PARD3B: variants seen among roughly 807,000 people sequenced by gnomAD.
PARD3B encodes the protein par-3 family cell polarity regulator beta.
Under a neutral mutation model 130.2 loss-of-function variants are expected in PARD3B, and 103 were observed. That is an observed-to-expected ratio of 0.79 (90% CI 0.67 to 0.93). The LOEUF (loss-of-function observed/expected upper bound fraction) is 0.93. PARD3B is among the 40% of genes least tolerant of loss of function. PARD3B has a pLI of 0.00. For synonymous variants in PARD3B, 583 were observed against 553.2 expected (o/e 1.05, Z -0.76); for missense variants, 1,609 against 1,499.2 (o/e 1.07, Z -1.21).
chr2:205,062,267 G>A (rs1395029996), intron 4 of PARD3B, among the ~76,000 whole-genome samples: 1 of 152,088 alleles, frequency 6.6e-6, no homozygotes, highest in Non-Finnish European at 1.5e-5. Context: ...AGGTCGTAAT[G>A]AAAGTATGTT....
intron 3 of PARD3B, among the ~76,000 whole-genome samples, chr2:204,974,060 G>A (rs1482728519): frequency 2.0e-5 from 3 of 152,158 alleles, no homozygotes; most frequent in South Asian, 2.1e-4. Context: ...GGCTTAATGG[G>A]AAAATGTTGA....
intron 2 of PARD3B, among the ~76,000 whole-genome samples, chr2:204,696,067 T>A (rs2037593955): frequency 6.6e-6 from 1 of 151,982 alleles, no homozygotes; most frequent in Non-Finnish European, 1.5e-5. Context: ...GGTTATCAGG[T>A]ATCATGTTTG....
intron 2 of PARD3B, among the ~76,000 whole-genome samples, chr2:204,925,499 T>C (rs1483086863): frequency 6.6e-6 from 1 of 151,840 alleles, no homozygotes; most frequent in African/African-American, 2.4e-5. Flanking sequence ...AGGAAATATA[T>C]TGGAAAAAAA....
chr2:205,266,203 C>A (rs972600669), intron 16 of PARD3B, among the ~76,000 whole-genome samples: 1 of 152,050 alleles, frequency 6.6e-6, no homozygotes, highest in African/African-American at 2.4e-5. Flanking sequence ...AATGCAGTTA[C>A]CTCTAGAATA....
In PARD3B at chr2:204,659,784, T is replaced by C. The variant is rs985876598; in HGVS notation, c.121-26397T>C. 9.2e-5 allele frequency among the ~76,000 whole-genome samples: 14 copies of C among 152,328 alleles called. No individual in the cohort carries two copies. In the East Asian group the frequency reaches 1.7e-3, roughly 19 times the overall value. Reference sequence around the variant, plus strand: ...TCATCATCTTAAGTACTTTCATACATTATTTAACAGCAGCATTGAAATAAC... The same window carrying C: ...TCATCATCTTAAGTACTTTCATACACTATTTAACAGCAGCATTGAAATAAC... On this transcript the variant is annotated intron_variant, in intron 1 of 22. Transcript: ENST00000406610.
At chr2:205,416,576 AG>A (rs1234286488) in intron 19 of PARD3B, among the ~76,000 whole-genome samples, 1 of 152,172 alleles carries the variant, frequency 6.6e-6, no homozygotes, top group African/African-American at 2.4e-5. Context: ...CTTGGCCTGC[AG>A]GTGAGCAGCA....
chr2:204,654,636 C>T (rs768791543), intron 1 of PARD3B, among the ~76,000 whole-genome samples: 2 of 152,130 alleles, frequency 1.3e-5, no homozygotes, highest in African/African-American at 4.8e-5. Flanking sequence ...TAATGAGAAA[C>T]TGTCTCTAAA....
At position 205,325,370 on chromosome 2, in the gene PARD3B, C is replaced by A. The variant is rs979792822; in HGVS notation, c.2630+23669C>A. 1.3e-5 allele frequency among the ~76,000 whole-genome samples: 2 copies of A among 152,090 alleles called. No homozygotes were observed. Among genetic ancestry groups the A allele is most frequent in the Non-Finnish European group, 2.9e-5 (2 of 68,028 alleles). ...TTTCATATTCCCTGTGACTACAATG[C>A]CCTTTCCCCATCCTTCAATCCACAC... On this transcript the variant is annotated intron_variant, in intron 18 of 22. Transcript: ENST00000406610. This position sits in a 1 kb window ranked among gnomAD's most constrained non-coding sequence, Gnocchi z 4.1.
At chr2:205,384,672 C>G (rs749744898) in intron 18 of PARD3B, among the ~76,000 whole-genome samples, 1 of 152,072 alleles carries the variant, frequency 6.6e-6, no homozygotes, top group Non-Finnish European at 1.5e-5. Context: ...ATTGCATTAA[C>G]GCAGGCATTT....
chr2:204,740,104 C>G (rs556263177), intron 2 of PARD3B, among the ~76,000 whole-genome samples: 1 of 152,148 alleles, frequency 6.6e-6, no homozygotes, highest in South Asian at 2.1e-4. Context: ...ACCTCTACCT[C>G]CCAGGTTCGA....
At chr2:205,511,020 A>G (rs1406062586) in intron 21 of PARD3B, among the ~76,000 whole-genome samples, 1 of 152,232 alleles carries the variant, frequency 6.6e-6, no homozygotes, top group Admixed American at 6.5e-5. Context: ...GAAAGCTCCT[A>G]TGGCTGGTGT....
chr2:204,898,911 A>G (rs530739790), intron 2 of PARD3B, among the ~76,000 whole-genome samples: 1 of 152,178 alleles, frequency 6.6e-6, no homozygotes, highest in East Asian at 1.9e-4. Flanking sequence ...CTTGAAATCT[A>G]TTTCAAGTCT....
chr2:204,638,464 A>G (rs1441336950), intron 1 of PARD3B, among the ~76,000 whole-genome samples: 3 of 152,232 alleles, frequency 2.0e-5, no homozygotes, highest in Admixed American at 2.0e-4. Flanking sequence ...ATTTTCACAC[A>G]TTGTGTATTA....
rs1455785706 is a variant in PARD3B, at chr2:204,669,304, A to G, written c.121-16877A>G. On this transcript the variant is annotated intron_variant, in intron 1 of 22. Coordinates refer to ENST00000406610, the MANE Select transcript of PARD3B (RefSeq NM_001302769.2). This position sits in a 1 kb window ranked among gnomAD's most constrained non-coding sequence, Gnocchi z 4.3. The stretch of plus-strand genomic sequence containing the variant: ...TTTTTACTTTATAGGATCAAGGGCA[A>G]CCATGTTTACTTTCATAAGGAGTAA... 1.3e-5 allele frequency among the ~76,000 whole-genome samples: 2 copies of G among 152,144 alleles called. No individual in the cohort carries two copies. Among genetic ancestry groups the G allele is most frequent in the African/African-American group, 4.8e-5 (2 of 41,428 alleles).
At position 205,440,534 on chromosome 2, in the gene PARD3B, T is replaced by G. The variant is rs2047676028; in HGVS notation, c.2906T>G (p.Phe969Cys). 6.2e-7 allele frequency: 1 copy of G among 1,614,062 alleles called. No homozygotes were observed. Among genetic ancestry groups the G allele is most frequent in the Non-Finnish European group, 8.5e-7 (1 of 1,179,982 alleles). ...GAACCATGCACATCAGCAAATGTCT[T>G]TAGATCTCCATCTCCCCCTCGAGCT... The part of the protein sequence containing the change: ...FREPCTSANV[F>C]RSPSPPRAGP... The change falls in exon 20 of 23, where the codon TTT (phenylalanine) becomes TGT (cysteine). Residue 969 changes from phenylalanine to cysteine, a missense_variant. By Grantham distance (205) the Phe-to-Cys change is radical. Coordinates refer to ENST00000406610, the MANE Select transcript of PARD3B (RefSeq NM_001302769.2). This position sits in a 1 kb window ranked among gnomAD's most constrained non-coding sequence, Gnocchi z 4.2.
chr2:205,467,462 A>G (rs1052092359), intron 20 of PARD3B, among the ~76,000 whole-genome samples: 1 of 152,234 alleles, frequency 6.6e-6, no homozygotes, highest in African/African-American at 2.4e-5. Flanking sequence ...CAAACCACAT[A>G]TGTAATTTAA....
intron 18 of PARD3B, among the ~76,000 whole-genome samples, chr2:205,383,083 C>CATAGATAGATAGATAG (rs59376156): frequency 3.8e-4 from 30 of 78,576 alleles, no homozygotes; most frequent in Non-Finnish European, 5.6e-4. Context: ...GGAAAGTTTA[C>CATAGATAGATAGATAG]ATAGATAGAT....
chr2:204,973,346 C>T (rs1268622701), intron 3 of PARD3B, among the ~76,000 whole-genome samples: 1 of 152,096 alleles, frequency 6.6e-6, no homozygotes, highest in Non-Finnish European at 1.5e-5. Flanking sequence ...AAATAGATTA[C>T]ATTTTCTCAC....
Position 205,287,041 on chromosome 2 carries a change from A to G in PARD3B, c.2186-13489A>G, listed in dbSNP as rs1352982644. The stretch of plus-strand genomic sequence containing the variant: ...TTGATGTAGAAGATTTGTCACTTGT[A>G]AAATCCATGCAGCAACAGACTGGAA... On this transcript the variant is annotated intron_variant, in intron 16 of 22. Transcript: ENST00000406610. This position sits in a 1 kb window ranked among gnomAD's most constrained non-coding sequence, Gnocchi z 4.8. Among the ~76,000 whole-genome samples, 1 of 152,220 alleles carries G rather than the reference A, an allele frequency of 6.6e-6. No individual in the cohort carries two copies. The highest frequency in any genetic ancestry group is 2.4e-5 in the African/African-American group (1 of 41,460).
Sources: gnomAD v4.1 joint callset for allele counts (sites outside exome capture counted in the v4.1 genomes callset) on GRCh38, gnomAD v4.1.1 for gene constraint, Gnocchi (gnomAD v3.1) non-coding constraint, MANE v1.5 for transcripts, NCBI Gene and HGNC (gene_info 2026-07-23, HGNC 2026-07-21) for gene names.